Variants in SFXN5 observed in about 807,000 individuals in gnomAD.
SFXN5 encodes the protein sideroflexin-5.
In SFXN5, 43 loss-of-function variants were observed where a neutral mutation model predicts 50.2. That is an observed-to-expected ratio of 0.86 (90% CI 0.67 to 1.11). SFXN5 has a LOEUF of 1.11. Ranked by LOEUF, SFXN5 falls within the 50% of genes least tolerant of loss-of-function variation. The pLI is 0.00. For missense variants in SFXN5, 463 were observed against 454.1 expected (o/e 1.02, Z -0.18); for synonymous variants, 203 against 185.8 (o/e 1.09, Z -0.75).
intron 1 of SFXN5, 83 bp downstream of exon 1, chr2:73,071,521 T>C (rs929334604): frequency 7.4e-7 from 1 of 1,350,312 alleles, no homozygotes; most frequent in African/African-American, 1.5e-5. Flanking sequence ...GGGAGACCCT[T>C]GGGCGGAAGG....
At chr2:73,038,711 C>G (rs543102786) in intron 3 of SFXN5, among the ~76,000 whole-genome samples, 1 of 152,298 alleles carries the variant, frequency 6.6e-6, no homozygotes, top group Non-Finnish European at 1.5e-5. Flanking sequence ...AGATTTTTGA[C>G]TCTTTTGTAA....
chr2:72,977,863 A>G (rs1670811835), intron 10 of SFXN5, among the ~76,000 whole-genome samples: 1 of 151,824 alleles, frequency 6.6e-6, no homozygotes, highest in Non-Finnish European at 1.5e-5. Context: ...AGTCCTAGCT[A>G]CTCAGGAGGC....
chr2:73,067,799 A>G (rs1327910194), intron 1 of SFXN5, among the ~76,000 whole-genome samples: 1 of 152,196 alleles, frequency 6.6e-6, no homozygotes, highest in Non-Finnish European at 1.5e-5. Context: ...GTATGTTTGT[A>G]AACTTCCATA....
At position 72,960,761 on chromosome 2, in the gene SFXN5, C is replaced by T. The variant is rs1673629569; in HGVS notation, c.945+370G>A. The stretch of plus-strand genomic sequence containing the variant: ...GCTGCCTCACCTCTCAGAACCTTCA[C>T]ACCAGGTGTCCGCGGACCTCACATC... On this transcript the variant is annotated intron_variant, in intron 13 of 13. Coordinates refer to ENST00000272433, the MANE Select transcript of SFXN5 (RefSeq NM_144579.3). The surrounding 1 kb of genome is among the most constrained non-coding windows in gnomAD (Gnocchi z 6.1). Among the ~76,000 whole-genome samples the T allele has an allele frequency of 1.3e-5, 2 of 152,170 alleles. No homozygotes were observed. Among genetic ancestry groups the T allele is most frequent in the African/African-American group, 4.8e-5 (2 of 41,442 alleles).
At chr2:73,003,618 C>T (rs1036175703) in intron 6 of SFXN5, among the ~76,000 whole-genome samples, 3 of 152,232 alleles carry the variant, frequency 2.0e-5, no homozygotes, top group African/African-American at 7.2e-5. Flanking sequence ...GCCAAGTGTA[C>T]AGACCCACAC....
At chr2:73,052,716 T>C (rs1467215375) in intron 2 of SFXN5, among the ~76,000 whole-genome samples, 1 of 152,214 alleles carries the variant, frequency 6.6e-6, no homozygotes, top group Non-Finnish European at 1.5e-5. Flanking sequence ...TTAAGAGTAA[T>C]TCAGATGTTG....
intron 1 of SFXN5, among the ~76,000 whole-genome samples, chr2:73,065,134 C>G (rs1359005909): frequency 2.0e-5 from 3 of 152,098 alleles, no homozygotes; most frequent in African/African-American, 7.2e-5. Context: ...CAGGGTCTCA[C>G]TCTGTTGCCC....
At chr2:72,969,690 C>G (rs919553639) in intron 11 of SFXN5, among the ~76,000 whole-genome samples, 1 of 149,020 alleles carries the variant, frequency 6.7e-6, no homozygotes, top group South Asian at 2.1e-4. Flanking sequence ...ACACCGTGCC[C>G]GGCCTACTTT....
At chr2:72,982,148 T>C (rs560387845) in intron 10 of SFXN5, among the ~76,000 whole-genome samples, 1 of 152,224 alleles carries the variant, frequency 6.6e-6, no homozygotes, top group South Asian at 2.1e-4. Flanking sequence ...GCTGGGAAAT[T>C]GACATGTTCA....
chr2:73,057,766 C>G (rs1309012795), intron 2 of SFXN5, among the ~76,000 whole-genome samples: 1 of 152,126 alleles, frequency 6.6e-6, no homozygotes, highest in Admixed American at 6.5e-5. Context: ...TTCCCCCATG[C>G]TGTTCTCGTG....
At chr2:73,006,320 A>G (rs528077269) in intron 6 of SFXN5, among the ~76,000 whole-genome samples, 1 of 152,302 alleles carries the variant, frequency 6.6e-6, no homozygotes, top group Admixed American at 6.5e-5. Flanking sequence ...AGCCAACCGC[A>G]GATCCCTAAG....
At chr2:73,069,856 C>T (rs182423446) in intron 1 of SFXN5, among the ~76,000 whole-genome samples, 58 of 152,220 alleles carry the variant, frequency 3.8e-4, no homozygotes, top group African/African-American at 1.4e-3. Flanking sequence ...ATCTTTTACT[C>T]GGCACATTAC....
intron 2 of SFXN5, chr2:73,053,390 C>T (rs1313179078): frequency 6.5e-6 from 1 of 154,312 alleles, no homozygotes; most frequent in East Asian, 1.9e-4. Flanking sequence ...CAGCTCATCT[C>T]AGTATCATGC....
At chr2:72,971,735 C>T (rs1365427035) in intron 10 of SFXN5, 50 bp from the exon 11 acceptor site, 1 of 1,436,566 alleles carries the variant, frequency 7.0e-7, no homozygotes, top group South Asian at 1.2e-5. Flanking sequence ...AGATGGCATT[C>T]CACCTGGAGG....
At chr2:73,033,463 G>A (rs548792758) in intron 3 of SFXN5, among the ~76,000 whole-genome samples, 1 of 152,322 alleles carries the variant, frequency 6.6e-6, no homozygotes, top group Admixed American at 6.5e-5. Flanking sequence ...TGGCAGAGAT[G>A]GAGATTACAG....
chr2:72,972,166 T>C (rs1195867132), intron 10 of SFXN5, among the ~76,000 whole-genome samples: 1 of 152,118 alleles, frequency 6.6e-6, no homozygotes, highest in African/African-American at 2.4e-5. Flanking sequence ...TCCCAGAAAT[T>C]TGCCTCCCTG....
rs113791466 is a variant in SFXN5, at chr2:72,959,673, T to A, written c.945+1458A>T. On this transcript the variant is annotated intron_variant, in intron 13 of 13. Transcript: ENST00000272433. ...ACTGAAGTGGGGAGGGGTCTCCCCGTGCCAAGGCTGATCCCCTCGTCTGTG... is the reference window on the plus strand; with the variant it reads ...ACTGAAGTGGGGAGGGGTCTCCCCGAGCCAAGGCTGATCCCCTCGTCTGTG... 4.6e-5 allele frequency among the ~76,000 whole-genome samples: 7 copies of A among 152,210 alleles called. 1 individual carries two copies. The highest frequency in any genetic ancestry group is 1.7e-4 in the African/African-American group (7 of 41,534).
rs1442465511 is a variant in SFXN5 at position 73,040,881 on chromosome 2, G to A, written c.222C>T (p.Thr74=). ...VQLLEDYKHG[T]LRPGVTNEQL... ...GTTCATTGGTGACCCCCGGGCGCAG[G>A]GTCCCATGCTTATAGTCCTCCAGCA... The change falls in exon 3 of 14, where the codon ACC becomes ACT. Residue 74 remains threonine, a synonymous_variant. Transcript: ENST00000272433. 2.5e-6 allele frequency: 4 copies of A among 1,612,518 alleles called. No homozygotes were observed. Among genetic ancestry groups the A allele is most frequent in the East Asian group, 2.2e-5 (1 of 44,862 alleles).
intron 10 of SFXN5, among the ~76,000 whole-genome samples, chr2:72,985,084 C>T (rs887187835): frequency 1.3e-5 from 2 of 152,192 alleles, no homozygotes; most frequent in African/African-American, 4.8e-5. Flanking sequence ...TTCCACTCCA[C>T]TCACATCCCA....
Sources: gnomAD v4.1 joint callset for allele counts (sites outside exome capture counted in the v4.1 genomes callset) on GRCh38, gnomAD v4.1.1 for gene constraint, Gnocchi (gnomAD v3.1) non-coding constraint, MANE v1.5 for transcripts, NCBI Gene and HGNC (gene_info 2026-07-23, HGNC 2026-07-21) for gene names.